PPP1R12B: variants seen among roughly 807,000 people sequenced by gnomAD.
PPP1R12B encodes the protein protein phosphatase 1 regulatory subunit 12B, also known as myosin phosphatase target subunit 2.
In PPP1R12B, 76 loss-of-function variants were observed where a neutral mutation model predicts 126.1. That is an observed-to-expected ratio of 0.60 (90% CI 0.50 to 0.73). PPP1R12B has a LOEUF of 0.73. Among genes scored for constraint, PPP1R12B ranks in the 30% least tolerant of loss-of-function variants. The pLI is 0.00. For missense variants in PPP1R12B, 1,052 were observed against 1,205.1 expected (o/e 0.87, Z 1.88); for synonymous variants, 356 against 434.7 (o/e 0.82, Z 2.25).
At chr1:202,569,951 G>A (rs1375339526) in intron 23 of PPP1R12B, among the ~76,000 whole-genome samples, 2 of 152,154 alleles carry the variant, frequency 1.3e-5, no homozygotes, top group East Asian at 3.9e-4. Context: ...GCAGGGGGAG[G>A]GGAGGAGGGT....
intron 18 of PPP1R12B, among the ~76,000 whole-genome samples, chr1:202,509,947 T>A (rs1681244880): frequency 6.6e-6 from 1 of 152,166 alleles, no homozygotes; most frequent in Non-Finnish European, 1.5e-5. Flanking sequence ...AAGACTCATA[T>A]AAGGTGTGGG....
At position 202,587,188 on chromosome 1, in the gene PPP1R12B, C is replaced by T. The variant is rs2149051536; in HGVS notation, c.*6628C>T. On this transcript the variant is annotated 3_prime_UTR_variant, in exon 24 of 24. Coordinates refer to ENST00000608999, the MANE Select transcript of PPP1R12B (RefSeq NM_002481.4). ...CCCCTTAAGGTGACATCAGGATGCT[C>T]TTATGTCCTTCCAGAATAAGCATAC... 6.6e-6 allele frequency: 1 copy of T among 152,310 alleles called. No homozygotes were observed. The highest frequency in any genetic ancestry group is 6.5e-5 in the Admixed American group (1 of 15,310). The allele number at this position is 152,310 out of a possible 1,614,324, so 9.4% of individuals were successfully genotyped here.
intron 10 of PPP1R12B, chr1:202,438,544 G>A (rs1242596081): frequency 7.1e-6 from 3 of 425,422 alleles, no homozygotes; most frequent in East Asian, 5.8e-5. Context: ...GCTGGGCATG[G>A]GACAGCCCCC....
intron 1 of PPP1R12B, among the ~76,000 whole-genome samples, chr1:202,353,585 T>TTC (rs1296388331): frequency 1.7e-5 from 2 of 119,266 alleles, no homozygotes; most frequent in African/African-American, 6.3e-5. Context: ...ATTCTTCTTC[T>TTC]TTGTGTGTGT....
intron 18 of PPP1R12B, 72 bp downstream of exon 18, chr1:202,496,894 A>T (rs1679633879): frequency 1.4e-6 from 2 of 1,441,708 alleles, no homozygotes; most frequent in Admixed American, 3.7e-5. Context: ...TTAGTAGAAG[A>T]AAGGGCAAGA....
chr1:202,439,511 G>A (rs562178226), intron 10 of PPP1R12B: 12 of 1,533,676 alleles, frequency 7.8e-6, no homozygotes, highest in South Asian at 2.3e-5. Context: ...TGTTTGGGGC[G>A]ACTGCTGTTG....
At chr1:202,482,222 T>C (rs1229825736) in intron 13 of PPP1R12B, among the ~76,000 whole-genome samples, 1 of 152,198 alleles carries the variant, frequency 6.6e-6, no homozygotes, top group African/African-American at 2.4e-5. Flanking sequence ...CTCTTCAATA[T>C]ACTAATTTCC....
intron 1 of PPP1R12B, among the ~76,000 whole-genome samples, chr1:202,364,210 C>A (rs1408103360): frequency 6.6e-6 from 1 of 152,028 alleles, no homozygotes; most frequent in Non-Finnish European, 1.5e-5. Context: ...TAGTTATTTG[C>A]AAATTATTAG....
intron 14 of PPP1R12B, among the ~76,000 whole-genome samples, chr1:202,492,658 A>G (rs778434777): frequency 1.2e-4 from 19 of 152,128 alleles, no homozygotes; most frequent in Non-Finnish European, 2.5e-4. Flanking sequence ...TGTTGTTGTT[A>G]TTGTAGCCTA....
At chr1:202,484,996 C>G (rs1410832854) in intron 13 of PPP1R12B, among the ~76,000 whole-genome samples, 1 of 152,166 alleles carries the variant, frequency 6.6e-6, no homozygotes, top group African/African-American at 2.4e-5. Flanking sequence ...CACAGCAGGG[C>G]TGGGTGGTTC....
In PPP1R12B at chr1:202,488,550, T is replaced by C. The variant is rs1678447524; in HGVS notation, c.1868T>C (p.Val623Ala). ...CTCTGCAGGTCCTATCTGACTCCTGTACGGGATGAGGAAGCAGAGTCTTTA... is the reference window on the plus strand; with the variant it reads ...CTCTGCAGGTCCTATCTGACTCCTGCACGGGATGAGGAAGCAGAGTCTTTA... ...REKRRSYLTP[V>A]RDEEAESLRK... The change falls in exon 14 of 24, where the codon GTA (valine) becomes GCA (alanine). Residue 623 changes from valine (V) to alanine (A), a missense_variant. Transcript: ENST00000608999. 1.2e-6 allele frequency: 2 copies of C among 1,611,522 alleles called. No individual in the cohort carries two copies.
At chr1:202,411,900 A>G (rs905775050) in intron 1 of PPP1R12B, among the ~76,000 whole-genome samples, 2 of 152,164 alleles carry the variant, frequency 1.3e-5, no homozygotes, top group African/African-American at 4.8e-5. Context: ...CCTGTACTCA[A>G]GCGATCCTCC....
chr1:202,462,141 A>G lies in PPP1R12B; in HGVS notation c.1850+12970A>G, dbSNP rs148143713. Among the ~76,000 whole-genome samples, 262 of 152,286 alleles carry G rather than the reference A, an allele frequency of 1.7e-3. 1 individual carries two copies. The highest frequency in any genetic ancestry group is 6.2e-3 in the African/African-American group (256 of 41,564). On this transcript the variant is annotated intron_variant, in intron 13 of 23. Coordinates refer to ENST00000608999, the MANE Select transcript of PPP1R12B (RefSeq NM_002481.4). Reference sequence around the variant, plus strand: ...AATCTGAATATACTAAAAATCTTTAAATGGTACACCTAATGGGCATGTGAA... The same window carrying G: ...AATCTGAATATACTAAAAATCTTTAGATGGTACACCTAATGGGCATGTGAA...
At chr1:202,459,947 G>A (rs370512423) in intron 13 of PPP1R12B, among the ~76,000 whole-genome samples, 14 of 152,306 alleles carry the variant, frequency 9.2e-5, no homozygotes, top group Admixed American at 4.6e-4. Context: ...ATGGCAAGTG[G>A]CAAGCTGTTG....
intron 13 of PPP1R12B, among the ~76,000 whole-genome samples, chr1:202,465,608 G>C (rs1044876942): frequency 5.9e-5 from 9 of 152,108 alleles, no homozygotes; most frequent in African/African-American, 2.2e-4. Context: ...CCAGAGCCTT[G>C]GGCAGGCATA....
intron 1 of PPP1R12B, among the ~76,000 whole-genome samples, chr1:202,363,120 C>A (rs1658510101): frequency 6.6e-6 from 1 of 152,196 alleles, no homozygotes; most frequent in Non-Finnish European, 1.5e-5. Flanking sequence ...AGGCATGAGC[C>A]ACCATATCCA....
At chr1:202,402,264 C>CA (rs1479609815) in intron 1 of PPP1R12B, among the ~76,000 whole-genome samples, 1 of 152,154 alleles carries the variant, frequency 6.6e-6, no homozygotes, top group African/African-American at 2.4e-5. Flanking sequence ...CTTCTCTTAC[C>CA]AACAAATCAC....
intron 2 of PPP1R12B, among the ~76,000 whole-genome samples, chr1:202,421,108 A>G (rs556025939): frequency 6.6e-6 from 1 of 151,300 alleles, no homozygotes; most frequent in South Asian, 2.1e-4. Flanking sequence ...GGTGCCTGCC[A>G]CCATGCCCGG....
chr1:202,500,257 C>G (rs1370166008), intron 18 of PPP1R12B, among the ~76,000 whole-genome samples: 2 of 152,068 alleles, frequency 1.3e-5, no homozygotes, highest in East Asian at 3.9e-4. Flanking sequence ...CTCTCACTGT[C>G]TCTCTGTCTT....
Sources: gnomAD v4.1 joint callset for allele counts (sites outside exome capture counted in the v4.1 genomes callset) on GRCh38, gnomAD v4.1.1 for gene constraint, MANE v1.5 for transcripts, NCBI Gene and HGNC (gene_info 2026-07-23, HGNC 2026-07-21) for gene names.